The following CCSER1 variants were observed in gnomAD, a reference collection of about 807,000 sequenced individuals.
CCSER1 encodes the protein serine-rich coiled-coil domain-containing protein 1.
CCSER1 carries 41 observed loss-of-function variants against 82.0 expected under a neutral mutation model. The observed-to-expected ratio is 0.50, with a 90% CI of 0.39 to 0.65. CCSER1 has a LOEUF of 0.65. Ranked by LOEUF, CCSER1 falls within the 30% of genes least tolerant of loss-of-function variation. The pLI, the probability that CCSER1 is intolerant of heterozygous loss-of-function variation, is 0.00. For synonymous variants in CCSER1, 414 were observed against 383.9 expected, an observed-to-expected ratio of 1.08 and a Z score of -0.92; for missense variants, 1,119 against 1,064.2, an observed-to-expected ratio of 1.05 and a Z score of -0.72.
chr4:90,808,873 G>A (rs1316009589), intron 7 of CCSER1, among the ~76,000 whole-genome samples: 1 of 152,114 alleles, frequency 6.6e-6, no homozygotes, highest in Non-Finnish European at 1.5e-5. Context: ...ATTAAATTCA[G>A]CAATCTCACT....
At chr4:91,124,945 T>G (rs992446992) in intron 10 of CCSER1, among the ~76,000 whole-genome samples, 8 of 151,418 alleles carry the variant, frequency 5.3e-5, no homozygotes, top group Non-Finnish European at 1.0e-4. Context: ...AGCAGCTTCT[T>G]TTGAACTTTC....
chr4:90,730,245 C>A (rs1015657218), intron 7 of CCSER1, among the ~76,000 whole-genome samples: 3 of 152,146 alleles, frequency 2.0e-5, no homozygotes, highest in African/African-American at 4.8e-5. Context: ...TGTTGTGTAT[C>A]CTGCATAGAC....
chr4:90,620,645 A>T (rs1327079336), intron 5 of CCSER1, among the ~76,000 whole-genome samples: 1 of 152,198 alleles, frequency 6.6e-6, no homozygotes, highest in Non-Finnish European at 1.5e-5. Context: ...TTTAGCCATT[A>T]TCCCAGTTAG....
intron 9 of CCSER1, among the ~76,000 whole-genome samples, chr4:91,020,533 G>A (rs1457811715): frequency 6.6e-6 from 1 of 151,996 alleles, no homozygotes; most frequent in Admixed American, 6.5e-5. Context: ...GTGGTGGCGG[G>A]TGCCTGTAGT....
chr4:91,594,336 C>T lies in CCSER1; in HGVS notation c.2218-4236C>T, dbSNP rs113284436. Among the ~76,000 whole-genome samples the T allele has an allele frequency of 9.9e-3, 1,431 of 144,208 alleles. 8 individuals are homozygous for T. Among genetic ancestry groups the T allele is most frequent in the Middle Eastern group, 0.022 (6 of 278 alleles). The allele number at this position is 144,208 out of a possible 152,430, so 94.6% of individuals were successfully genotyped here. ...GTGTATATATACATATATGTACACA[C>T]ATATATATACATATATATACACATA... On this transcript the variant is annotated intron_variant, in intron 10 of 10. Transcript: ENST00000509176.
In CCSER1 at chr4:90,863,755, A is replaced by G. The variant is rs139294037; in HGVS notation, c.2094+47910A>G. ...ACAAAGAAAGCAAGGGAGGAAGGAAAGGAAAAAAGATTGTTAAGCCTTCAT... is the reference window on the plus strand; with the variant it reads ...ACAAAGAAAGCAAGGGAGGAAGGAAGGGAAAAAAGATTGTTAAGCCTTCAT... On this transcript the variant is annotated intron_variant, in intron 8 of 10. Coordinates refer to ENST00000509176, the MANE Select transcript of CCSER1 (RefSeq NM_001145065.2). 2.6e-3 allele frequency among the ~76,000 whole-genome samples: 397 copies of G among 151,996 alleles called. 1 individual carries two copies. Among genetic ancestry groups the G allele is most frequent in the African/African-American group, 9.0e-3 (376 of 41,548 alleles).
intron 10 of CCSER1, among the ~76,000 whole-genome samples, chr4:91,442,335 G>A (rs1755228644): frequency 6.6e-6 from 1 of 152,130 alleles, no homozygotes; most frequent in African/African-American, 2.4e-5. Flanking sequence ...ACCACCATCT[G>A]ATCTTTGACA....
chr4:90,321,485 T>C (rs1389315414), intron 3 of CCSER1, among the ~76,000 whole-genome samples: 1 of 152,202 alleles, frequency 6.6e-6, no homozygotes, highest in East Asian at 1.9e-4. Flanking sequence ...TTAAGTTGAT[T>C]GCATGTCCTG....
Position 90,943,729 on chromosome 4 carries a change from A to ATTTTTTTTTTTTTTTTTTTTTTTT in CCSER1, c.2172+20288_2172+20311dup, listed in dbSNP as rs70965460. On this transcript the variant is annotated intron_variant, in intron 9 of 10. Transcript: ENST00000509176. Reference sequence around the variant, plus strand: ...AAACATGAGCCACTGTGCCAGGCTAATTTTTTTTTTTTTTTTTTTTTTTTT... The same window carrying ATTTTTTTTTTTTTTTTTTTTTTTT: ...AAACATGAGCCACTGTGCCAGGCTAATTTTTTTTTTTTTTTTTTTTTTTTTTTTTTTTTTTTTTTTTTTTTTTTT... Among the ~76,000 whole-genome samples, 8 of 68,852 alleles carry ATTTTTTTTTTTTTTTTTTTTTTTT rather than the reference A, an allele frequency of 1.2e-4. 1 individual carries two copies. The highest frequency in any genetic ancestry group is 1.9e-4 in the African/African-American group (3 of 15,936). The allele number at this position is 68,852 out of a possible 152,430, so 45.2% of individuals were successfully genotyped here. A position where few individuals can be genotyped will look rare whatever the true frequency, so the allele number is the denominator to read the frequency against.
intron 10 of CCSER1, among the ~76,000 whole-genome samples, chr4:91,516,071 G>A (rs1420386674): frequency 6.6e-6 from 1 of 151,820 alleles, no homozygotes; most frequent in African/African-American, 2.4e-5. Flanking sequence ...TTTTTTGCTT[G>A]TAAATTTATA....
chr4:91,516,232 T>G (rs1046315321), intron 10 of CCSER1, among the ~76,000 whole-genome samples: 5 of 152,190 alleles, frequency 3.3e-5, no homozygotes, highest in Non-Finnish European at 1.5e-5. Flanking sequence ...ATTTGTCAAT[T>G]TTTGCCTTTG....
intron 9 of CCSER1, among the ~76,000 whole-genome samples, chr4:91,061,193 G>A (rs1038150927): frequency 9.3e-5 from 14 of 151,348 alleles, no homozygotes; most frequent in South Asian, 2.1e-4. Flanking sequence ...AATATCCTTA[G>A]GGATCATATA....
intron 9 of CCSER1, among the ~76,000 whole-genome samples, chr4:90,926,074 G>A (rs1729025501): frequency 6.6e-6 from 1 of 151,634 alleles, no homozygotes; most frequent in African/African-American, 2.4e-5. Flanking sequence ...CCATGACCAG[G>A]ATATATTTTC....
intron 7 of CCSER1, among the ~76,000 whole-genome samples, chr4:90,794,094 T>C (rs141639613): frequency 2.6e-5 from 4 of 152,364 alleles, no homozygotes; most frequent in African/African-American, 9.6e-5. Flanking sequence ...TGCAAAAATA[T>C]TCTCTCATTC....
chr4:90,404,489 C>T (rs769051770), intron 4 of CCSER1, among the ~76,000 whole-genome samples: 34 of 152,188 alleles, frequency 2.2e-4, no homozygotes, highest in Non-Finnish European at 4.7e-4. Context: ...GGCAAGTTTG[C>T]ATCCTCTCTA....
intron 9 of CCSER1, among the ~76,000 whole-genome samples, chr4:91,050,397 C>T (rs1217855885): frequency 6.7e-6 from 1 of 148,242 alleles, no homozygotes; most frequent in African/African-American, 2.5e-5. Flanking sequence ...CGCCACTGCA[C>T]TCCATTCTGG....
At chr4:90,162,495 G>A (rs535377716) in intron 1 of CCSER1, among the ~76,000 whole-genome samples, 8 of 151,996 alleles carry the variant, frequency 5.3e-5, no homozygotes, top group Non-Finnish European at 7.4e-5. Flanking sequence ...AAAAGTTAAC[G>A]TAACATAATG....
chr4:90,926,033 AAT>A (rs1292503038), intron 9 of CCSER1, among the ~76,000 whole-genome samples: 1 of 152,052 alleles, frequency 6.6e-6, no homozygotes, highest in African/African-American at 2.4e-5. Flanking sequence ...CATAACTGGA[AAT>A]ATATGATTCA....
intron 9 of CCSER1, among the ~76,000 whole-genome samples, chr4:91,019,631 G>GT (rs1739746692): frequency 6.6e-6 from 1 of 152,054 alleles, no homozygotes; most frequent in South Asian, 2.1e-4. Flanking sequence ...AAGCAGATTT[G>GT]TATCTGTTGC....
Sources: allele counts gnomAD v4.1 joint callset (sites outside exome capture counted in the v4.1 genomes callset), GRCh38; gene constraint gnomAD v4.1.1; transcripts MANE v1.5; gene names NCBI Gene and HGNC (gene_info 2026-07-23, HGNC 2026-07-21).